The following RAD21 variants were observed in gnomAD, a reference collection of about 807,000 sequenced individuals.
RAD21 encodes double-strand-break repair protein rad21 homolog.
A neutral mutation model predicts 71.5 loss-of-function variants in RAD21; 18 were observed. The ratio of observed to expected loss-of-function variants is 0.25; its 90% CI spans 0.17 to 0.37. RAD21 has a LOEUF of 0.37. Ranked by LOEUF, RAD21 falls within the 10% of genes least tolerant of loss-of-function variation. The pLI is 1.00. For synonymous variants in RAD21, 248 were observed against 254.0 expected, an observed-to-expected ratio of 0.98 and a Z score of 0.22; for missense variants, 493 against 769.1, an observed-to-expected ratio of 0.64 and a Z score of 4.25.
In RAD21 at chr8:116,874,676, G is replaced by A. The variant is rs1376011172; in HGVS notation, c.-98C>T. On this transcript the variant is annotated 5_prime_UTR_variant, in exon 1 of 14. Transcript: ENST00000297338. ...GGAGGGGAAAAGGGTCGGGGGAGGG[G>A]GTGGGGAAAGGGGGGAGCCCTTGCG... 3.8e-5 allele frequency: 15 copies of A among 389,900 alleles called. No individual in the cohort carries two copies. The highest frequency in any genetic ancestry group is 3.0e-4 in the African/African-American group (14 of 46,536). The allele number at this position is 389,900 out of a possible 1,614,324, so 24.2% of individuals were successfully genotyped here.
At chr8:116,868,570 AATAC>A (rs1451248904) in intron 1 of RAD21, among the ~76,000 whole-genome samples, 11 of 151,728 alleles carry the variant, frequency 7.2e-5, no homozygotes, top group African/African-American at 2.7e-4. Context: ...AAGAATCTTT[AATAC>A]AATTATCAAA....
At chr8:116,847,762 A>G (rs1812275999) in intron 13 of RAD21, 71 bp from the exon 14 acceptor site, 1 of 1,355,534 alleles carries the variant, frequency 7.4e-7, no homozygotes, top group Non-Finnish European at 1.0e-6. Flanking sequence ...ATGCTGATAC[A>G]GTTTGAATAT....
chr8:116,871,887 C>T (rs1812828791), intron 1 of RAD21, among the ~76,000 whole-genome samples: 1 of 152,210 alleles, frequency 6.6e-6, no homozygotes, highest in African/African-American at 2.4e-5. Flanking sequence ...ATCCACACTT[C>T]TAACTACAAC....
chr8:116,856,142 A>C (rs748213734), intron 8 of RAD21, 24 bp downstream of exon 8: 17 of 1,604,386 alleles, frequency 1.1e-5, no homozygotes, highest in Non-Finnish European at 1.4e-5. Context: ...TATGCTGTAT[A>C]AATCTAAAGG....
intron 1 of RAD21, among the ~76,000 whole-genome samples, chr8:116,869,185 G>A (rs534519208): frequency 1.3e-5 from 2 of 151,898 alleles, no homozygotes; most frequent in Non-Finnish European, 2.9e-5. Flanking sequence ...ATAGACTGGG[G>A]AAAAAATATT....
intron 1 of RAD21, among the ~76,000 whole-genome samples, chr8:116,871,821 G>C (rs1464920147): frequency 2.0e-5 from 3 of 152,208 alleles, no homozygotes; most frequent in African/African-American, 7.2e-5. Flanking sequence ...GGAGAAAACA[G>C]ATGAAGATAA....
At position 116,847,859 on chromosome 8, in the gene RAD21, TG is replaced by T. The variant is rs16888886; in HGVS notation, c.1705-169del. 7.9e-3 allele frequency among the ~76,000 whole-genome samples: 1,201 copies of T among 152,248 alleles called. 13 individuals carry two copies. The highest frequency in any genetic ancestry group is 0.028 in the African/African-American group (1,146 of 41,536). On this transcript the variant is annotated intron_variant, in intron 13 of 13. Transcript: ENST00000297338. Reference sequence around the variant, plus strand: ...AGGTGTTTGTGTCATGGGGTGGGGATGGGGGTGGTGGTGGATCCCTTATCAA... The same window carrying T: ...AGGTGTTTGTGTCATGGGGTGGGGATGGGGTGGTGGTGGATCCCTTATCAA...
Position 116,858,419 on chromosome 8 carries a change from A to C in RAD21, c.414T>G (p.Ser138Arg), listed in dbSNP as rs1403578012. Residue 138 changes from serine (S) to arginine (R), a missense_variant, in exon 5 of 14, where the codon AGT becomes AGG. Around this residue, in one of 5 missense-constraint regions of RAD21, gnomAD observed 165 missense variants for 229.6 expected, o/e 0.72. Transcript: ENST00000297338. ...DVAQQFSLNQSRVEEITMREE... is the reference protein window; with the variant it reads ...DVAQQFSLNQRRVEEITMREE... ...CTCTCATGGTTATCTCTTCCACTCT[A>C]CTCTGATTCAAGCTGAACTGCTGGG... The C allele has an allele frequency of 1.2e-6, 2 of 1,612,908 alleles. No homozygotes were observed.
intron 3 of RAD21, among the ~76,000 whole-genome samples, chr8:116,862,562 TTAA>T (rs1368277225): frequency 1.3e-5 from 2 of 152,062 alleles, no homozygotes; most frequent in African/African-American, 4.8e-5. Flanking sequence ...AAGGCATTTC[TTAA>T]TAAAATACAC....
rs1474124718 is a variant in RAD21, at chr8:116,863,254, T to C, written c.150A>G (p.Lys50=). ...SVESIISPKV[K]MALRTSGHLL... ...GATGTCCTGATGTCCGTAATGCCAT[T>C]TTCACCTATGAATAAAACATTAATC... The change falls in exon 3 of 14, where the codon AAA becomes AAG. Residue 50 remains lysine, a synonymous_variant. Coordinates refer to ENST00000297338, the MANE Select transcript of RAD21 (RefSeq NM_006265.3). The C allele has an allele frequency of 1.2e-6, 2 of 1,609,464 alleles. No homozygotes were observed. Among genetic ancestry groups the C allele is most frequent in the Admixed American group, 1.7e-5 (1 of 59,734 alleles).
chr8:116,859,038 C>G (rs1292674611), intron 4 of RAD21, among the ~76,000 whole-genome samples: 1 of 150,338 alleles, frequency 6.7e-6, no homozygotes. Flanking sequence ...CTCAGGAGAC[C>G]CATAAGCTAT....
intron 2 of RAD21, among the ~76,000 whole-genome samples, chr8:116,865,545 G>A (rs977607059): frequency 6.6e-6 from 1 of 152,060 alleles, no homozygotes; most frequent in African/African-American, 2.4e-5. Flanking sequence ...TCAAAAACAT[G>A]TCCATCACTT....
chr8:116,850,271 AAAAGGT>A (rs1812320677), intron 12 of RAD21, among the ~76,000 whole-genome samples: 1 of 152,184 alleles, frequency 6.6e-6, no homozygotes, highest in South Asian at 2.1e-4. Flanking sequence ...ACAGATACAG[AAAAGGT>A]TATATCAGAA....
intron 12 of RAD21, 163 bp from the exon 13 acceptor site, chr8:116,849,192 C>T (rs940391787): frequency 2.1e-6 from 1 of 485,912 alleles, no homozygotes; most frequent in Non-Finnish European, 3.6e-6. Context: ...ATTTAGAGTA[C>T]AAACTGAAGA....
At chr8:116,862,250 G>C (rs988313188) in intron 3 of RAD21, among the ~76,000 whole-genome samples, 1 of 152,064 alleles carries the variant, frequency 6.6e-6, no homozygotes, top group African/African-American at 2.4e-5. Flanking sequence ...AATAACTGCA[G>C]AAGAGTACCT....
intron 1 of RAD21, among the ~76,000 whole-genome samples, chr8:116,872,706 G>A (rs898527310): frequency 6.6e-6 from 1 of 152,194 alleles, no homozygotes; most frequent in African/African-American, 2.4e-5. Flanking sequence ...TCCCTACTAT[G>A]AAAACCTGAA....
rs1248275017 is a variant in RAD21 at position 116,846,936 on chromosome 8, C to T, written c.*564G>A. On this transcript the variant is annotated 3_prime_UTR_variant, in exon 14 of 14. Transcript: ENST00000297338. The stretch of plus-strand genomic sequence containing the variant: ...GGCTATCAGTCATAACACAATTTCG[C>T]GTACACCTCTGCTCATTATGGAATT... 2.8e-5 allele frequency: 6 copies of T among 214,698 alleles called. No individual in the cohort carries two copies. Among genetic ancestry groups the T allele is most frequent in the African/African-American group, 9.0e-5 (4 of 44,284 alleles). 13.3% of individuals were successfully genotyped at this position (214,698 alleles called of 1,614,324 possible). A position where few individuals can be genotyped will look rare whatever the true frequency, so the allele number is the denominator to read the frequency against.
chr8:116,847,919 G>A (rs770553587), intron 13 of RAD21, among the ~76,000 whole-genome samples: 5 of 152,090 alleles, frequency 3.3e-5, no homozygotes, highest in Non-Finnish European at 7.4e-5. Context: ...ATTCTTGCTC[G>A]TTAGTTAACA....
At chr8:116,858,668 C>T (rs1045773478) in intron 4 of RAD21, among the ~76,000 whole-genome samples, 1 of 151,948 alleles carries the variant, frequency 6.6e-6, no homozygotes, top group Non-Finnish European at 1.5e-5. Flanking sequence ...TGAAAAGCAT[C>T]AATAATCAGC....
Sources: allele counts gnomAD v4.1 joint callset (sites outside exome capture counted in the v4.1 genomes callset), GRCh38; gene constraint gnomAD v4.1.1; regional missense constraint gnomAD v4.1.1; transcripts MANE v1.5; gene names NCBI Gene and HGNC (gene_info 2026-07-23, HGNC 2026-07-21).